The following ZNF831 variants were observed in gnomAD, a reference collection of about 807,000 sequenced individuals.
The protein encoded by ZNF831 is chromosome 20 open reading frame 174.
A neutral mutation model predicts 95.8 loss-of-function variants in ZNF831; 59 were observed. The ratio of observed to expected loss-of-function variants is 0.62; its 90% CI spans 0.50 to 0.77. The LOEUF (loss-of-function observed/expected upper bound fraction) is 0.77, where lower values mean the gene tolerates loss of function less well. Among genes scored for constraint, ZNF831 ranks in the 30% least tolerant of loss-of-function variants. The pLI, the probability that ZNF831 is intolerant of heterozygous loss-of-function variation, is 0.00. For synonymous variants in ZNF831, 961 were observed against 925.5 expected, an observed-to-expected ratio of 1.04 and a Z score of -0.70; for missense variants, 2,205 against 2,164.0, an observed-to-expected ratio of 1.02 and a Z score of -0.38.
intron 4 of ZNF831, among the ~76,000 whole-genome samples, chr20:59,243,048 C>T (rs138025681): frequency 6.6e-6 from 1 of 152,336 alleles, no homozygotes; most frequent in East Asian, 1.9e-4. Context: ...AATAGAGCTT[C>T]TTAATTATTA....
At chr20:59,227,044 G>C (rs958381089) in intron 4 of ZNF831, among the ~76,000 whole-genome samples, 2 of 152,134 alleles carry the variant, frequency 1.3e-5, no homozygotes, top group East Asian at 3.8e-4. Flanking sequence ...TAAGAGACTT[G>C]TTTACAATAG....
Position 59,257,610 on chromosome 20 carries a change from C to G in ZNF831, c.*2867C>G, listed in dbSNP as rs149315652. The G allele has an allele frequency of 3.0e-4, 45 of 152,326 alleles. No homozygotes were observed. The highest frequency in any genetic ancestry group is 1.1e-3 in the African/African-American group (45 of 41,578). The allele number at this position is 152,326 out of a possible 1,614,324, so 9.4% of individuals were successfully genotyped here. A position where few individuals can be genotyped will look rare whatever the true frequency, so the allele number is the denominator to read the frequency against. The stretch of plus-strand genomic sequence containing the variant: ...TTGATAACTACCACAGTTTTATACT[C>G]TGCAAGTGTGTACTGCATGATGGTT... On this transcript the variant is annotated 3_prime_UTR_variant, in exon 6 of 6. Transcript: ENST00000371030.
rs575102056 is a variant in ZNF831, at chr20:59,229,691, T to C, written c.4027+22635T>C. On this transcript the variant is annotated intron_variant, in intron 4 of 5. Coordinates refer to ENST00000371030, the MANE Select transcript of ZNF831 (RefSeq NM_178457.3). ...TATAGCTGGTCCAGGATATTACCATTGACCTAGGACCTTTCTCTGTTCCTG... is the reference window on the plus strand; with the variant it reads ...TATAGCTGGTCCAGGATATTACCATCGACCTAGGACCTTTCTCTGTTCCTG... Among the ~76,000 whole-genome samples the C allele has an allele frequency of 8.5e-5, 13 of 152,346 alleles. No individual in the cohort carries two copies. The South Asian group carries it at 2.3e-3, about 27-fold the overall frequency.
chr20:59,166,516 C>A (rs892674324), intron 1 of ZNF831, among the ~76,000 whole-genome samples: 3 of 152,160 alleles, frequency 2.0e-5, no homozygotes, highest in African/African-American at 7.2e-5. Flanking sequence ...AGATACAGAA[C>A]ATTTCTGTCA....
intron 1 of ZNF831, among the ~76,000 whole-genome samples, chr20:59,137,392 G>T (rs189241865): frequency 6.6e-6 from 1 of 151,938 alleles, no homozygotes. Context: ...ATGATGTCAG[G>T]TTGGAGAACA....
At chr20:59,240,540 T>G (rs368301987) in intron 4 of ZNF831, among the ~76,000 whole-genome samples, 3 of 151,960 alleles carry the variant, frequency 2.0e-5, no homozygotes, top group Non-Finnish European at 2.9e-5. Flanking sequence ...GGTGGCTCAC[T>G]CCTGTAATCC....
At chr20:59,232,994 G>GCGCACACA (rs1491469214) in intron 4 of ZNF831, among the ~76,000 whole-genome samples, 62 of 123,084 alleles carry the variant, frequency 5.0e-4, no homozygotes, top group African/African-American at 1.8e-3. Flanking sequence ...GGACCCTGAG[G>GCGCACACA]CACACACACA....
At chr20:59,245,309 G>C (rs1297861304) in intron 4 of ZNF831, among the ~76,000 whole-genome samples, 1 of 152,218 alleles carries the variant, frequency 6.6e-6, no homozygotes, top group Non-Finnish European at 1.5e-5. Flanking sequence ...AAAACAAACA[G>C]ATCTGGTGAG....
At chr20:59,224,325 A>C (rs1419650463) in intron 4 of ZNF831, among the ~76,000 whole-genome samples, 2 of 151,966 alleles carry the variant, frequency 1.3e-5, no homozygotes, top group Non-Finnish European at 2.9e-5. Context: ...ATCCTCTTCC[A>C]AGCTGACTTC....
At chr20:59,127,679 A>G (rs1979218466) in intron 1 of ZNF831, among the ~76,000 whole-genome samples, 1 of 152,078 alleles carries the variant, frequency 6.6e-6, no homozygotes, top group African/African-American at 2.4e-5. Flanking sequence ...CCTGTGAGAT[A>G]TTTATGTGTT....
chr20:59,158,842 C>T (rs972729328), upstream of ZNF831, among the ~76,000 whole-genome samples: 6 of 152,164 alleles, frequency 3.9e-5, no homozygotes, highest in African/African-American at 1.4e-4. Flanking sequence ...AGCCAGTGAA[C>T]CCCCACCCCG....
At chr20:59,245,742 AT>A (rs2146736754) in intron 4 of ZNF831, among the ~76,000 whole-genome samples, 1 of 152,278 alleles carries the variant, frequency 6.6e-6, no homozygotes, top group African/African-American at 2.4e-5. Context: ...TCATTATTTC[AT>A]TTGATGAAGG....
At chr20:59,189,196 A>T (rs1052417075) in intron 1 of ZNF831, among the ~76,000 whole-genome samples, 1 of 152,132 alleles carries the variant, frequency 6.6e-6, no homozygotes, top group African/African-American at 2.4e-5. Flanking sequence ...AAAAATAAAA[A>T]AATAAAAAAA....
intron 1 of ZNF831, among the ~76,000 whole-genome samples, chr20:59,143,892 T>G (rs548695697): frequency 6.6e-6 from 1 of 152,308 alleles, no homozygotes; most frequent in South Asian, 2.1e-4. Context: ...AGAGTGAAGG[T>G]CAACAAATAA....
In ZNF831 at chr20:59,202,339, T is replaced by A. The variant is rs970239514; in HGVS notation, c.3876-4566T>A. On this transcript the variant is annotated intron_variant, in intron 3 of 5. Transcript: ENST00000371030. ...TATTTTCAACCTTTTTTTTTTTTTT[T>A]AAAAAAAAAAACACATCTAATGTTT... Among the ~76,000 whole-genome samples the A allele has an allele frequency of 5.8e-3, 804 of 138,270 alleles. 4 individuals are homozygous for A. The highest frequency in any genetic ancestry group is 0.012 in the Admixed American group (160 of 13,910). The allele number at this position is 138,270 out of a possible 152,430, so 90.7% of individuals were successfully genotyped here.
intron 4 of ZNF831, among the ~76,000 whole-genome samples, chr20:59,238,649 G>A (rs974514238): frequency 2.8e-4 from 42 of 152,328 alleles, no homozygotes; most frequent in African/African-American, 7.2e-4. Context: ...TGAGATTCGT[G>A]AGGGAGACAG....
At position 59,198,491 on chromosome 20, in the gene ZNF831, G is replaced by A. The variant is rs1451784639; in HGVS notation, c.3875+2486G>A. On this transcript the variant is annotated intron_variant, in intron 3 of 5. Coordinates refer to ENST00000371030, the MANE Select transcript of ZNF831 (RefSeq NM_178457.3). ...CTCCCTAATGTCTTACCCTCGGCCA[G>A]CCTCTCTCAGTTATGCTCTCTGCCT... 2.6e-5 allele frequency among the ~76,000 whole-genome samples: 4 copies of A among 152,178 alleles called. No homozygotes were observed. In the East Asian group the frequency reaches 7.7e-4, roughly 29 times the overall value.
chr20:59,124,916 G>A (rs566652404), intron 1 of ZNF831, among the ~76,000 whole-genome samples: 23 of 152,344 alleles, frequency 1.5e-4, no homozygotes, highest in African/African-American at 5.5e-4. Context: ...ACGGGGTCAA[G>A]TCTGATTGGA....
chr20:59,187,900 C>G (rs561260359), intron 1 of ZNF831, among the ~76,000 whole-genome samples: 2 of 152,150 alleles, frequency 1.3e-5, no homozygotes, highest in East Asian at 3.8e-4. Context: ...TTATAAAACA[C>G]GTGATATTTT....
Sources: gnomAD v4.1 joint callset for allele counts (sites outside exome capture counted in the v4.1 genomes callset) on GRCh38, gnomAD v4.1.1 for gene constraint, MANE v1.5 for transcripts, NCBI Gene and HGNC (gene_info 2026-07-23, HGNC 2026-07-21) for gene names.